ARHGAP24: variants seen among roughly 807,000 people sequenced by gnomAD.
The protein encoded by ARHGAP24 is rho GTPase-activating protein 24.
In ARHGAP24, 50 loss-of-function variants were observed where a neutral mutation model predicts 76.4. The ratio of observed to expected loss-of-function variants is 0.65; its 90% CI spans 0.52 to 0.83. The LOEUF is 0.83. ARHGAP24 is among the 40% of genes least tolerant of loss of function. The pLI is 0.00. For synonymous variants in ARHGAP24, 345 were observed against 323.3 expected (o/e 1.07, Z -0.72); for missense variants, 930 against 914.2 (o/e 1.02, Z -0.22).
At chr4:85,947,854 C>T (rs1393494570) in intron 5 of ARHGAP24, among the ~76,000 whole-genome samples, 1 of 152,048 alleles carries the variant, frequency 6.6e-6, no homozygotes, top group Admixed American at 6.6e-5. Context: ...ACAGTTTTAA[C>T]ATTTGAGGAC....
intron 1 of ARHGAP24, among the ~76,000 whole-genome samples, chr4:85,536,908 G>T (rs568509106): frequency 6.6e-6 from 1 of 152,178 alleles, no homozygotes; most frequent in East Asian, 1.9e-4. Context: ...TTTATACAGT[G>T]CTTTATCAAA....
chr4:85,940,818 T>G (rs529379803), intron 4 of ARHGAP24, among the ~76,000 whole-genome samples: 1 of 152,342 alleles, frequency 6.6e-6, no homozygotes, highest in South Asian at 2.1e-4. Flanking sequence ...TGATACCAGG[T>G]GTAGAATAGT....
At chr4:85,570,305 C>G (rs1225543661) in intron 1 of ARHGAP24, among the ~76,000 whole-genome samples, 1 of 151,938 alleles carries the variant, frequency 6.6e-6, no homozygotes, top group African/African-American at 2.4e-5. Flanking sequence ...TTCCCTTGCT[C>G]TCTCTCTCTT....
intron 3 of ARHGAP24, among the ~76,000 whole-genome samples, chr4:85,878,464 C>T (rs1005929299): frequency 6.6e-6 from 1 of 152,056 alleles, no homozygotes; most frequent in African/African-American, 2.4e-5. Context: ...TTATTGGTTC[C>T]ATCATCTTTT....
intron 1 of ARHGAP24, among the ~76,000 whole-genome samples, chr4:85,512,117 A>G (rs1213378700): frequency 2.0e-5 from 3 of 152,158 alleles, no homozygotes; most frequent in African/African-American, 7.2e-5. Flanking sequence ...CAGGACTTCA[A>G]TGTATCTTTT....
chr4:85,622,236 A>C, intron 2 of ARHGAP24, among the ~76,000 whole-genome samples: 2 of 114,682 alleles, frequency 1.7e-5, no homozygotes, highest in African/African-American at 6.2e-5. Flanking sequence ...TCCTAATGCT[A>C]TCCCTCCCCC....
intron 3 of ARHGAP24, among the ~76,000 whole-genome samples, chr4:85,824,977 C>T (rs552012132): frequency 1.9e-3 from 291 of 152,206 alleles, no homozygotes; most frequent in African/African-American, 6.9e-3. Context: ...GTAATCCCAG[C>T]TACTAGGGAG....
chr4:85,707,258 A>G (rs1487960499), intron 2 of ARHGAP24, among the ~76,000 whole-genome samples: 3 of 152,298 alleles, frequency 2.0e-5, no homozygotes, highest in African/African-American at 7.2e-5. Context: ...TAATATCACT[A>G]CTATACACCC....
At chr4:85,749,774 T>C (rs1463098534) in intron 3 of ARHGAP24, among the ~76,000 whole-genome samples, 1 of 151,984 alleles carries the variant, frequency 6.6e-6, no homozygotes, top group African/African-American at 2.4e-5. Context: ...CCCATGTTGG[T>C]CAGGCTGGTC....
intron 2 of ARHGAP24, among the ~76,000 whole-genome samples, chr4:85,667,702 G>C (rs926324669): frequency 6.6e-6 from 1 of 152,126 alleles, no homozygotes; most frequent in East Asian, 1.9e-4. Context: ...TTATTTTACT[G>C]ATCAGTAAGC....
intron 2 of ARHGAP24, among the ~76,000 whole-genome samples, chr4:85,639,921 T>G (rs1721462910): frequency 6.6e-6 from 1 of 152,150 alleles, no homozygotes; most frequent in African/African-American, 2.4e-5. Context: ...CTGTGCGTTA[T>G]AAATAAAGCA....
intron 2 of ARHGAP24, among the ~76,000 whole-genome samples, chr4:85,574,445 TGA>T (rs1257906678): frequency 6.6e-6 from 1 of 152,104 alleles, no homozygotes; most frequent in Non-Finnish European, 1.5e-5. Context: ...AAGGTAGATG[TGA>T]GTTTTCCAGG....
At chr4:85,730,084 T>C (rs970327332) in intron 3 of ARHGAP24, among the ~76,000 whole-genome samples, 2 of 152,222 alleles carry the variant, frequency 1.3e-5, no homozygotes, top group African/African-American at 4.8e-5. Flanking sequence ...ATTTAGAAGT[T>C]CCATCTCTGA....
chr4:85,921,853 T>C (rs937016001), intron 3 of ARHGAP24, among the ~76,000 whole-genome samples: 1 of 152,096 alleles, frequency 6.6e-6, no homozygotes, highest in South Asian at 2.1e-4. Flanking sequence ...CCGCTCCTTA[T>C]GATAGTTGAA....
chr4:85,639,807 G>A (rs1269337593), intron 2 of ARHGAP24, among the ~76,000 whole-genome samples: 2 of 152,018 alleles, frequency 1.3e-5, no homozygotes, highest in Non-Finnish European at 2.9e-5. Context: ...TTTTGTAACA[G>A]CTTCAAGGCA....
At chr4:85,487,127 C>T (rs942398484) in intron 1 of ARHGAP24, among the ~76,000 whole-genome samples, 9 of 143,136 alleles carry the variant, frequency 6.3e-5, no homozygotes, top group African/African-American at 2.1e-4. Context: ...TTTGTCAAGT[C>T]CTTGGTTTGC....
At chr4:85,603,054 A>G (rs549942792) in intron 2 of ARHGAP24, among the ~76,000 whole-genome samples, 404 of 152,326 alleles carry the variant, frequency 2.7e-3, no homozygotes, top group African/African-American at 9.0e-3. Flanking sequence ...TGTACCAGCC[A>G]ATTTATTTTG....
At chr4:85,983,824 C>T (rs561027401) in intron 8 of ARHGAP24, among the ~76,000 whole-genome samples, 1 of 152,142 alleles carries the variant, frequency 6.6e-6, no homozygotes, top group South Asian at 2.1e-4. Flanking sequence ...CATTTTCTTA[C>T]GTCCACAAAT....
intron 3 of ARHGAP24, among the ~76,000 whole-genome samples, chr4:85,894,136 A>G (rs1734005389): frequency 6.6e-6 from 1 of 151,660 alleles, no homozygotes; most frequent in East Asian, 1.9e-4. Context: ...AAGGCAAGAG[A>G]AAAATGCAGG....
Sources: gnomAD v4.1 joint callset for allele counts (sites outside exome capture counted in the v4.1 genomes callset) on GRCh38, gnomAD v4.1.1 for gene constraint, MANE v1.5 for transcripts, NCBI Gene and HGNC (gene_info 2026-07-23, HGNC 2026-07-21) for gene names.